Variants in SLC16A1 observed in about 807,000 individuals in gnomAD.
SLC16A1 encodes the protein solute carrier family 16 member 1, also known as monocarboxylate transporter 1.
SLC16A1 carries 11 observed loss-of-function variants against 32.2 expected under a neutral mutation model. The ratio of observed to expected loss-of-function variants is 0.34; its 90% confidence interval spans 0.21 to 0.56. The LOEUF is 0.56. SLC16A1 is among the 20% of genes least tolerant of loss of function. The pLI is 0.87. For missense variants in SLC16A1, 435 were observed against 615.0 expected (o/e 0.71, Z 3.10); for synonymous variants, 231 against 226.8 (o/e 1.02, Z -0.17).
At chr1:112,933,411 A>G (rs1263491032) in intron 1 of SLC16A1, among the ~76,000 whole-genome samples, 2 of 150,488 alleles carry the variant, frequency 1.3e-5, no homozygotes, top group African/African-American at 4.9e-5. Context: ...AGCTGAGATC[A>G]CGCCACTGCA....
At chr1:112,925,772 G>A (rs921746868) in intron 2 of SLC16A1, among the ~76,000 whole-genome samples, 4 of 152,154 alleles carry the variant, frequency 2.6e-5, no homozygotes, top group African/African-American at 9.7e-5. Context: ...TCCAAACATA[G>A]AGTCTATTTC....
At chr1:112,927,119 CAAA>C (rs761951516) in intron 2 of SLC16A1, among the ~76,000 whole-genome samples, 27 of 57,588 alleles carry the variant, frequency 4.7e-4, no homozygotes, top group African/African-American at 5.9e-4. Context: ...GACCCTGTGT[CAAA>C]AAAAAAAAAA....
intron 1 of SLC16A1, among the ~76,000 whole-genome samples, chr1:112,937,345 T>C (rs1378619558): frequency 1.3e-5 from 2 of 152,136 alleles, no homozygotes; most frequent in African/African-American, 2.4e-5. Context: ...AGTGCCAAAA[T>C]TAGATTTAAA....
intron 1 of SLC16A1, among the ~76,000 whole-genome samples, chr1:112,947,606 CATTTT>C (rs2101651026): frequency 6.6e-6 from 1 of 152,274 alleles, no homozygotes; most frequent in African/African-American, 2.4e-5. Context: ...TATAACATTT[CATTTT>C]AAAGTTTTAG....
chr1:112,930,207 C>G (rs933907904), intron 1 of SLC16A1, among the ~76,000 whole-genome samples: 3 of 152,068 alleles, frequency 2.0e-5, no homozygotes, highest in African/African-American at 7.2e-5. Flanking sequence ...GAAGTAAGGG[C>G]CTTAGTCTTG....
intron 1 of SLC16A1, among the ~76,000 whole-genome samples, chr1:112,929,945 G>A (rs1006776029): frequency 6.6e-6 from 1 of 152,172 alleles, no homozygotes; most frequent in African/African-American, 2.4e-5. Flanking sequence ...CCAATTCCAC[G>A]GGGGAAGAGG....
chr1:112,932,402 A>G (rs1022620484), intron 1 of SLC16A1, among the ~76,000 whole-genome samples: 56 of 152,096 alleles, frequency 3.7e-4, no homozygotes, highest in African/African-American at 1.4e-3. Context: ...GTGTGGTGGT[A>G]CACATCTGTA....
chr1:112,921,793 ATAAATATCCATTATATAATGGCAATTTC>A (rs1648744652), intron 3 of SLC16A1, among the ~76,000 whole-genome samples, 169 bp downstream of exon 3: 1 of 152,208 alleles, frequency 6.6e-6, no homozygotes, highest in Admixed American at 6.5e-5. Flanking sequence ...TCGACAAACA[ATAAATATCCATTATATAATGGCAATTTC>A]TTTAAAAGTT....
intron 2 of SLC16A1, chr1:112,924,174 C>T: frequency 1.3e-6 from 2 of 1,494,570 alleles, no homozygotes; most frequent in African/African-American, 1.4e-5. Flanking sequence ...CCACCACTCA[C>T]AGCTGCAGGG....
chr1:112,938,703 A>C (rs1649394413), intron 1 of SLC16A1, among the ~76,000 whole-genome samples: 1 of 152,026 alleles, frequency 6.6e-6, no homozygotes, highest in African/African-American at 2.4e-5. Context: ...TGCTAACTCG[A>C]ATGCTTAAAG....
chr1:112,946,700 T>C (rs1298547511), intron 1 of SLC16A1, among the ~76,000 whole-genome samples: 1 of 152,160 alleles, frequency 6.6e-6, no homozygotes, highest in Admixed American at 6.5e-5. Flanking sequence ...ATTACAGGCA[T>C]GCACCACCAC....
Position 112,917,391 on chromosome 1 carries a change from C to T in SLC16A1, c.1015G>A (p.Ala339Thr). 6.2e-7 allele frequency: 1 copy of T among 1,614,220 alleles called. No homozygotes were observed. Among genetic ancestry groups the T allele is most frequent in the Non-Finnish European group, 8.5e-7 (1 of 1,180,048 alleles). The part of the protein sequence containing the change: ...IQYFFAASVV[A>T]NGVCHMLAPL... ...GCTAGCATATGACACACTCCATTTG[C>T]AACAACGGAAGCCGCAAAGAAATAC... The change falls in exon 4 of 5, where the codon GCA becomes ACA. Residue 339 changes from alanine to threonine, a missense_variant. Physicochemically the swap from Ala to Thr is moderately conservative, Grantham distance 58. Transcript: ENST00000369626. This position sits in a 1 kb window ranked among gnomAD's most constrained non-coding sequence, Gnocchi z 4.1.
intron 3 of SLC16A1, among the ~76,000 whole-genome samples, chr1:112,920,464 G>A (rs989512375): frequency 6.6e-5 from 10 of 152,218 alleles, no homozygotes; most frequent in Admixed American, 6.5e-4. Flanking sequence ...AAATTAGCTG[G>A]GTGTGGTAGC....
chr1:112,913,634 C>T lies in SLC16A1; in HGVS notation c.*257G>A, dbSNP rs1448272942. ...GGCACATATTATAATCTTTATGACA[C>T]TATTAAAAGCTAAGATTAAAACAAA... On this transcript the variant is annotated 3_prime_UTR_variant, in exon 5 of 5. Coordinates refer to ENST00000369626, the MANE Select transcript of SLC16A1 (RefSeq NM_003051.4). The T allele has an allele frequency of 5.8e-6, 3 of 520,612 alleles. No homozygotes were observed. Among genetic ancestry groups the T allele is most frequent in the Middle Eastern group, 5.3e-4 (1 of 1,876 alleles). The allele number at this position is 520,612 out of a possible 1,614,324, so 32.2% of individuals were successfully genotyped here.
chr1:112,941,313 C>T (rs1305135434), intron 1 of SLC16A1, among the ~76,000 whole-genome samples: 1 of 134,906 alleles, frequency 7.4e-6, no homozygotes, highest in Admixed American at 7.9e-5. Flanking sequence ...CAGAGTTTCG[C>T]TCTTGCTGCC....
chr1:112,917,716 A>C lies in SLC16A1; in HGVS notation c.690T>G (p.Asn230Lys). The C allele has an allele frequency of 6.2e-7, 1 of 1,614,204 alleles. No homozygotes were observed. Among genetic ancestry groups the C allele is most frequent in the South Asian group, 1.1e-5 (1 of 91,084 alleles). ...TAGGGTGTCTTCCAATAAGATCTGT[A>C]TTTGCATCATGCAGATCTTTTTTCA... The part of the protein sequence containing the change: ...SGVKKDLHDA[N>K]TDLIGRHPKQ... The change falls in exon 4 of 5, where the codon AAT becomes AAG. Residue 230 changes from asparagine (N) to lysine (K), a missense_variant. Physicochemically the swap from Asn to Lys is moderately conservative, Grantham distance 94. Around this residue, in one of 2 missense-constraint regions of SLC16A1, gnomAD observed 324 missense variants for 500.3 expected, o/e 0.65. Coordinates refer to ENST00000369626, the MANE Select transcript of SLC16A1 (RefSeq NM_003051.4). This position sits in a 1 kb window ranked among gnomAD's most constrained non-coding sequence, Gnocchi z 4.1.
At chr1:112,937,918 T>C (rs1021100115) in intron 1 of SLC16A1, among the ~76,000 whole-genome samples, 56 of 152,190 alleles carry the variant, frequency 3.7e-4, no homozygotes, top group African/African-American at 1.4e-3. Flanking sequence ...ATGACGGTGA[T>C]AAGAATCACC....
rs75042681 is a variant in SLC16A1, at chr1:112,929,754, A to T, written c.-44-402T>A. On this transcript the variant is annotated intron_variant, in intron 1 of 4. Coordinates refer to ENST00000369626, the MANE Select transcript of SLC16A1 (RefSeq NM_003051.4). ...CCCAGTTACTTGGGAGGCTGAGGTG[A>T]GAGGATCACTTGAACCTGGGAGGTA... is the stretch of plus-strand genomic sequence containing the variant. 8.1e-3 allele frequency among the ~76,000 whole-genome samples: 1,238 copies of T among 152,224 alleles called. 16 individuals carry two copies. The highest frequency in any genetic ancestry group is 0.028 in the African/African-American group (1,161 of 41,530).
intron 1 of SLC16A1, among the ~76,000 whole-genome samples, chr1:112,942,422 A>G (rs1649540092): frequency 6.6e-6 from 1 of 152,246 alleles, no homozygotes. Flanking sequence ...ATGTGGACAT[A>G]AAGAACCAGC....
Sources: gnomAD v4.1 joint callset for allele counts (sites outside exome capture counted in the v4.1 genomes callset) on GRCh38, gnomAD v4.1.1 for gene constraint, gnomAD v4.1.1 regional missense constraint, Gnocchi (gnomAD v3.1) non-coding constraint, MANE v1.5 for transcripts, NCBI Gene and HGNC (gene_info 2026-07-23, HGNC 2026-07-21) for gene names.